TNN: variants seen among roughly 807,000 people sequenced by gnomAD.
TNN encodes the protein tenascin-N.
In TNN, 122 loss-of-function variants were observed where a neutral mutation model predicts 134.4. The observed-to-expected ratio is 0.91, with a 90% confidence interval of 0.78 to 1.06. The LOEUF is 1.06. Ranked by LOEUF, TNN falls within the 50% of genes least tolerant of loss-of-function variation. The pLI is 0.00. For synonymous variants in TNN, 710 were observed against 670.3 expected, an observed-to-expected ratio of 1.06 and a Z score of -0.91; for missense variants, 1,739 against 1,699.4, an observed-to-expected ratio of 1.02 and a Z score of -0.41.
intron 5 of TNN, 151 bp downstream of exon 5, chr1:175,084,086 C>A: frequency 1.2e-6 from 1 of 803,354 alleles, no homozygotes. Context: ...CTTGAATCTG[C>A]CAGACATAAG....
rs200670280 is a variant in TNN, at chr1:175,080,173, A to C, written c.795A>C (p.Pro265=). The C allele has an allele frequency of 3.7e-6, 6 of 1,613,808 alleles. No homozygotes were observed. Among genetic ancestry groups the C allele is most frequent in the Admixed American group, 1.7e-5 (1 of 60,016 alleles). Residue 265 remains proline (P), a synonymous_variant, in exon 4 of 19, where the codon CCA becomes CCC. Transcript: ENST00000239462. ...TGLDCAQVVT[P]QGLQLLKNTE... ...CTGTTCTGCCTGCAGTGGTCACCCC[A>C]CAGGGCCTGCAGCTGCTCAAGAACA... is the stretch of plus-strand genomic sequence containing the variant.
chr1:175,137,079 A>G, intron 17 of TNN, 91 bp downstream of exon 17: 1 of 1,354,656 alleles, frequency 7.4e-7, no homozygotes, highest in South Asian at 1.3e-5. Flanking sequence ...GGGGGATGGA[A>G]TATTATTCTG....
chr1:175,122,307 G>C (rs1350196426), intron 11 of TNN, among the ~76,000 whole-genome samples: 2 of 152,282 alleles, frequency 1.3e-5, no homozygotes, highest in East Asian at 3.9e-4. Context: ...AGGATTGCTT[G>C]AGCCTGGGAG....
rs548251500 is a variant in TNN, at chr1:175,122,632, G to A, written c.2651-768G>A. On this transcript the variant is annotated intron_variant, in intron 11 of 18. Coordinates refer to ENST00000239462, the MANE Select transcript of TNN (RefSeq NM_022093.2). ...AAGTATGCATTAGATGTGGCAACAC[G>A]GATGTTGTTGGTGACTTAGACTAGC... 1.2e-4 allele frequency among the ~76,000 whole-genome samples: 18 copies of A among 152,330 alleles called. No individual in the cohort carries two copies. The East Asian group carries it at 1.3e-3, about 11-fold the overall frequency.
In TNN at chr1:175,128,105, C is replaced by T. The variant is rs1675577009; in HGVS notation, c.3119C>T (p.Ser1040Phe). The T allele has an allele frequency of 1.2e-6, 2 of 1,613,774 alleles. No homozygotes were observed. The highest frequency in any genetic ancestry group is 1.7e-6 in the Non-Finnish European group (2 of 1,179,880). ...GLEQGATYPVSLVAFKGGRRS... is the reference protein window; with the variant it reads ...GLEQGATYPVFLVAFKGGRRS... ...GAGCAAGGCGCCACCTACCCTGTCT[C>T]CCTTGTTGCCTTTAAGGGTGGTCGC... The change falls in exon 14 of 19, where the codon TCC becomes TTC. Residue 1040 changes from serine (S) to phenylalanine (F), a missense_variant. Ser to Phe is a radical substitution (Grantham distance 155). Coordinates refer to ENST00000239462, the MANE Select transcript of TNN (RefSeq NM_022093.2).
intron 10 of TNN, among the ~76,000 whole-genome samples, chr1:175,117,907 G>A (rs768683926): frequency 6.6e-6 from 1 of 152,184 alleles, no homozygotes; most frequent in Non-Finnish European, 1.5e-5. Flanking sequence ...TAGTGGAAGC[G>A]ATATCTAACC....
chr1:175,107,979 G>T (rs1292069591), intron 9 of TNN, among the ~76,000 whole-genome samples: 1 of 141,178 alleles, frequency 7.1e-6, no homozygotes, highest in Non-Finnish European at 1.5e-5. Flanking sequence ...CGCCAGAGCA[G>T]CTAGATACAC....
chr1:175,129,545 C>A (rs1427180638), intron 15 of TNN, among the ~76,000 whole-genome samples: 1 of 150,790 alleles, frequency 6.6e-6, no homozygotes, highest in Non-Finnish European at 1.5e-5. Flanking sequence ...TCTAGTAATG[C>A]CTTATATGTA....
intron 2 of TNN, 74 bp from the exon 3 acceptor site, chr1:175,079,259 G>C (rs1053022387): frequency 1.4e-6 from 2 of 1,444,526 alleles, no homozygotes; most frequent in African/African-American, 2.9e-5. Flanking sequence ...GGTCTTGCAT[G>C]GCTGATCTCA....
intron 1 of TNN, among the ~76,000 whole-genome samples, chr1:175,074,173 G>A (rs531884354): frequency 6.6e-6 from 1 of 152,172 alleles, no homozygotes; most frequent in East Asian, 1.9e-4. Context: ...ACCTCCAGTG[G>A]CACACTGTCT....
intron 17 of TNN, among the ~76,000 whole-genome samples, chr1:175,144,153 A>G (rs184018988): frequency 2.6e-5 from 4 of 152,260 alleles, no homozygotes; most frequent in East Asian, 1.9e-4. Flanking sequence ...TGAAAATGCT[A>G]TGAGAACTGT....
intron 4 of TNN, among the ~76,000 whole-genome samples, chr1:175,081,298 G>T (rs915802557): frequency 6.6e-6 from 1 of 152,188 alleles, no homozygotes; most frequent in African/African-American, 2.4e-5. Flanking sequence ...TTGTCTCCTC[G>T]TGAACATTCT....
chr1:175,114,763 G>T (rs185118686), intron 9 of TNN, among the ~76,000 whole-genome samples: 100 of 152,182 alleles, frequency 6.6e-4, no homozygotes, highest in Non-Finnish European at 1.0e-3. Flanking sequence ...GGAAGTGTGA[G>T]ACCAGGTTGC....
At chr1:175,110,247 T>G (rs1263886969) in intron 9 of TNN, among the ~76,000 whole-genome samples, 2 of 152,244 alleles carry the variant, frequency 1.3e-5, no homozygotes, top group Non-Finnish European at 2.9e-5. Context: ...GAGTTTGAAC[T>G]CCTTATGTAT....
At chr1:175,138,482 AG>A (rs1213900750) in intron 17 of TNN, among the ~76,000 whole-genome samples, 1 of 152,128 alleles carries the variant, frequency 6.6e-6, no homozygotes, top group Non-Finnish European at 1.5e-5. Flanking sequence ...ACAAAGAGGG[AG>A]GGGTAGGCAC....
intron 1 of TNN, among the ~76,000 whole-genome samples, chr1:175,074,989 A>C (rs943611546): frequency 1.3e-5 from 2 of 152,162 alleles, no homozygotes; most frequent in African/African-American, 2.4e-5. Context: ...TTACCTTTTG[A>C]GTGAGGAGAG....
Position 175,127,069 on chromosome 1 carries a change from C to G in TNN, c.3029C>G (p.Pro1010Arg), listed in dbSNP as rs756111216. Residue 1010 changes from proline (P) to arginine (R), a missense_variant, in exon 13 of 19, where the codon CCA becomes CGA. Physicochemically the swap from Pro to Arg is moderately radical, Grantham distance 103. Transcript: ENST00000239462. ...IHGYILTYQF[P>R]DGTVKEMQLG... ...GGCTACATTCTGACTTACCAGTTCC[C>G]AGATGGCACAGTTAAGGTACGGGGA... is the stretch of plus-strand genomic sequence containing the variant. The G allele has an allele frequency of 1.2e-6, 2 of 1,613,768 alleles. No individual in the cohort carries two copies. Among genetic ancestry groups the G allele is most frequent in the African/African-American group, 2.7e-5 (2 of 74,918 alleles).
rs1387014601 is a variant in TNN, at chr1:175,112,590, C to T, written c.2120-4349C>T. 2.6e-4 allele frequency among the ~76,000 whole-genome samples: 20 copies of T among 75,758 alleles called. No individual in the cohort carries two copies. The South Asian group carries it at 3.4e-3, about 13-fold the overall frequency. The allele number at this position is 75,758 out of a possible 152,430, so 49.7% of individuals were successfully genotyped here. A position where few individuals can be genotyped will look rare whatever the true frequency, so the allele number is the denominator to read the frequency against. ...TCATTTTTTTAAAGATCCATTCAGCCGGCCGATCTTTTTTTTTTTTTTTTT... is the reference window on the plus strand; with the variant it reads ...TCATTTTTTTAAAGATCCATTCAGCTGGCCGATCTTTTTTTTTTTTTTTTT... On this transcript the variant is annotated intron_variant, in intron 9 of 18. Transcript: ENST00000239462.
At chr1:175,101,392 A>G (rs1390487022) in intron 9 of TNN, among the ~76,000 whole-genome samples, 1 of 151,142 alleles carries the variant, frequency 6.6e-6, no homozygotes, top group Non-Finnish European at 1.5e-5. Context: ...GTTACAGCTC[A>G]TAAAAGCAGC....
Sources: gnomAD v4.1 joint callset for allele counts (sites outside exome capture counted in the v4.1 genomes callset) on GRCh38, gnomAD v4.1.1 for gene constraint, MANE v1.5 for transcripts, NCBI Gene and HGNC (gene_info 2026-07-23, HGNC 2026-07-21) for gene names.